GAN: variants seen among roughly 807,000 people sequenced by gnomAD.
GAN encodes the protein gigaxonin.
GAN carries 48 observed loss-of-function variants against 71.3 expected under a neutral mutation model. The ratio of observed to expected loss-of-function variants is 0.67; its 90% CI spans 0.53 to 0.86. The LOEUF (loss-of-function observed/expected upper bound fraction) is 0.86. Ranked by LOEUF, GAN falls within the 40% of genes least tolerant of loss-of-function variation. The pLI, the probability that GAN is intolerant of heterozygous loss-of-function variation, is 0.00. For synonymous variants in GAN, 386 were observed against 276.8 expected, an observed-to-expected ratio of 1.39 and a Z score of -3.92; for missense variants, 928 against 770.1, an observed-to-expected ratio of 1.21 and a Z score of -2.43.
chr16:81,361,181 C>T (rs1910661153), intron 5 of GAN, among the ~76,000 whole-genome samples: 1 of 152,108 alleles, frequency 6.6e-6, no homozygotes, highest in Admixed American at 6.6e-5. Flanking sequence ...TCTGTGATTG[C>T]ACCACTGCCC....
intron 5 of GAN, among the ~76,000 whole-genome samples, chr16:81,359,085 T>C (rs6564872): frequency 0.45 from 68,382 of 152,014 alleles, 15,778 homozygotes; most frequent in Middle Eastern, 0.57. Context: ...AGTCATTTTA[T>C]GAGTCCCAAA....
chr16:81,357,520 G>C (rs1214286010), intron 4 of GAN, among the ~76,000 whole-genome samples: 1 of 152,088 alleles, frequency 6.6e-6, no homozygotes, highest in Non-Finnish European at 1.5e-5. Flanking sequence ...TGGACATTTG[G>C]GTTGGTTCCA....
intron 1 of GAN, among the ~76,000 whole-genome samples, chr16:81,343,940 G>A (rs1282247191): frequency 6.6e-6 from 1 of 152,172 alleles, no homozygotes; most frequent in Non-Finnish European, 1.5e-5. Flanking sequence ...GAAAATGAAT[G>A]TGCAAAATCA....
rs1904492556 is a variant in GAN at position 81,389,227 on chromosome 16, G to C, written c.*11631G>C. 6.6e-6 allele frequency: 1 copy of C among 152,184 alleles called. No homozygotes were observed. The highest frequency in any genetic ancestry group is 1.5e-5 in the Non-Finnish European group (1 of 68,046). The allele number at this position is 152,184 out of a possible 1,614,324, so 9.4% of individuals were successfully genotyped here. On this transcript the variant is annotated 3_prime_UTR_variant, in exon 11 of 11. Transcript: ENST00000648994. ...CAACTTGCTTCATTAAATAATTCGT[G>C]GCTTTTTCTGCCACTGGGGTTCTTT...
intron 3 of GAN, among the ~76,000 whole-genome samples, chr16:81,356,365 A>G (rs775390403): frequency 2.7e-4 from 41 of 152,162 alleles, no homozygotes; most frequent in Middle Eastern, 3.4e-3. Context: ...ATTAATGTTG[A>G]TGTCTAAGTT....
chr16:81,377,628 C>T lies in GAN; in HGVS notation c.*32C>T. ...AGCAGAGCAGAGTGCGAGATCCTGA[C>T]CCAAGAGCACCATAACATAGCTCCG... On this transcript the variant is annotated 3_prime_UTR_variant, in exon 11 of 11. Transcript: ENST00000648994. 1 of 1,578,446 alleles carries T rather than the reference C, an allele frequency of 6.3e-7. No individual in the cohort carries two copies. The highest frequency in any genetic ancestry group is 8.7e-7 in the Non-Finnish European group (1 of 1,147,850).
rs1910217090 is a variant in GAN, at chr16:81,349,179, T to G, written c.168-2404T>G. 2.0e-5 allele frequency among the ~76,000 whole-genome samples: 3 copies of G among 152,142 alleles called. No homozygotes were observed. In the South Asian group the frequency reaches 6.2e-4, roughly 31 times the overall value. On this transcript the variant is annotated intron_variant, in intron 1 of 10. Transcript: ENST00000648994. ...TAACAGTTCTGTTTTTAGCTTATCTTTCACCCCCTGCCCCACCCCGACCCC... is the reference window on the plus strand; with the variant it reads ...TAACAGTTCTGTTTTTAGCTTATCTGTCACCCCCTGCCCCACCCCGACCCC...
intron 9 of GAN, among the ~76,000 whole-genome samples, chr16:81,369,615 G>A (rs758810214): frequency 8.6e-5 from 13 of 151,662 alleles, no homozygotes; most frequent in African/African-American, 1.7e-4. Flanking sequence ...TTTTTGAGAC[G>A]GAGTCTCACT....
At chr16:81,335,729 T>A (rs564496973) in intron 1 of GAN, among the ~76,000 whole-genome samples, 18 of 115,960 alleles carry the variant, frequency 1.6e-4, no homozygotes, top group Admixed American at 7.2e-4. Context: ...CCTGGGCAAC[T>A]GAATGAGACT....
rs1183717926 is a variant in GAN at position 81,363,775 on chromosome 16, A to T, written c.1087-19A>T. 3 of 1,611,130 alleles carry T rather than the reference A, an allele frequency of 1.9e-6. No homozygotes were observed. Among genetic ancestry groups the T allele is most frequent in the East Asian group, 2.2e-5 (1 of 44,854 alleles). On this transcript the variant is annotated intron_variant, in intron 6 of 10. Coordinates refer to ENST00000648994, the MANE Select transcript of GAN (RefSeq NM_022041.4). Reference sequence around the variant, plus strand: ...GATCATTGGCCTTGTGTGTTCAGGGATCGCTAATGTAATTTCAGGCAAGAC... The same window carrying T: ...GATCATTGGCCTTGTGTGTTCAGGGTTCGCTAATGTAATTTCAGGCAAGAC...
chr16:81,338,930 C>G (rs1464182507), intron 1 of GAN, among the ~76,000 whole-genome samples: 1 of 152,208 alleles, frequency 6.6e-6, no homozygotes, highest in Non-Finnish European at 1.5e-5. Flanking sequence ...ATGGCATGTG[C>G]AGGCTGGTGA....
intron 3 of GAN, among the ~76,000 whole-genome samples, chr16:81,354,991 T>C (rs765562861): frequency 4.6e-5 from 7 of 152,146 alleles, no homozygotes; most frequent in Non-Finnish European, 8.8e-5. Context: ...GAGCGTAATA[T>C]CCTTTGTATG....
In GAN at chr16:81,390,071, T is replaced by C. The variant is rs1322109005; in HGVS notation, c.*12475T>C. On this transcript the variant is annotated 3_prime_UTR_variant, in exon 11 of 11. Coordinates refer to ENST00000648994, the MANE Select transcript of GAN (RefSeq NM_022041.4). ...TGCTTAGACACATATTCAGTGAAGA[T>C]TGTATTGTGTGTGATATTATCCTAT... 1 of 152,148 alleles carries C rather than the reference T, an allele frequency of 6.6e-6. No individual in the cohort carries two copies. The highest frequency in any genetic ancestry group is 1.5e-5 in the Non-Finnish European group (1 of 68,018). 9.4% of individuals were successfully genotyped at this position (152,148 alleles called of 1,614,324 possible).
At chr16:81,348,165 C>G (rs1291286974) in intron 1 of GAN, among the ~76,000 whole-genome samples, 1 of 152,134 alleles carries the variant, frequency 6.6e-6, no homozygotes, top group East Asian at 1.9e-4. Flanking sequence ...GCCTTTGTCT[C>G]TTTGTTCTCT....
At position 81,351,616 on chromosome 16, in the gene GAN, T is replaced by C; in HGVS notation, c.201T>C (p.Asp67=). 1 of 1,549,200 alleles carries C rather than the reference T, an allele frequency of 6.5e-7. No individual in the cohort carries two copies. The highest frequency in any genetic ancestry group is 1.1e-5 in the South Asian group (1 of 89,788). ...TKLNYNPPKD[D]GSTYKIELEG... ...TAAACTATAATCCTCCAAAAGATGA[T>C]GGATCAACTTATAAGATTGAACTTG... The change falls in exon 2 of 11, where the codon GAT becomes GAC. Residue 67 remains aspartate (D), a synonymous_variant. Transcript: ENST00000648994.
Position 81,381,956 on chromosome 16 carries a change from T to C in GAN, c.*4360T>C, listed in dbSNP as rs1193615350. ...AATGCCAAGTGCCTGATGTACATGA[T>C]GTACAGTCTTCTGATTGTACCCTCT... On this transcript the variant is annotated 3_prime_UTR_variant, in exon 11 of 11. Coordinates refer to ENST00000648994, the MANE Select transcript of GAN (RefSeq NM_022041.4). 1 of 152,180 alleles carries C rather than the reference T, an allele frequency of 6.6e-6. No homozygotes were observed. The highest frequency in any genetic ancestry group is 1.5e-5 in the Non-Finnish European group (1 of 68,036). 9.4% of individuals were successfully genotyped at this position (152,180 alleles called of 1,614,324 possible).
chr16:81,334,789 G>GT (rs1468796681), intron 1 of GAN, among the ~76,000 whole-genome samples: 3 of 152,174 alleles, frequency 2.0e-5, no homozygotes, highest in African/African-American at 4.8e-5. Context: ...CAGTGTGGTC[G>GT]TTTGACTTCA....
At chr16:81,365,610 C>G (rs1353301630) in intron 9 of GAN, 132 bp downstream of exon 9, 2 of 869,284 alleles carry the variant, frequency 2.3e-6, no homozygotes, top group Non-Finnish European at 3.9e-6. Context: ...CTCATGCATA[C>G]TAGATATTTA....
At chr16:81,345,278 T>A (rs1195554016) in intron 1 of GAN, among the ~76,000 whole-genome samples, 1 of 152,168 alleles carries the variant, frequency 6.6e-6, no homozygotes, top group African/African-American at 2.4e-5. Flanking sequence ...TGTAAATCAT[T>A]GTACTATAAA....
Sources: allele counts gnomAD v4.1 joint callset (sites outside exome capture counted in the v4.1 genomes callset), GRCh38; gene constraint gnomAD v4.1.1; transcripts MANE v1.5; gene names NCBI Gene and HGNC (gene_info 2026-07-23, HGNC 2026-07-21).